The following RGL3 variants were observed in gnomAD, a reference collection of about 807,000 sequenced individuals.
The protein encoded by RGL3 is ral guanine nucleotide dissociation stimulator-like 3.
RGL3 carries 85 observed loss-of-function variants against 90.6 expected under a neutral mutation model. That is an observed-to-expected ratio of 0.94 (90% CI 0.79 to 1.12). The LOEUF (loss-of-function observed/expected upper bound fraction) is 1.12, where lower values mean the gene tolerates loss of function less well. Ranked by LOEUF, RGL3 falls within the 50% of genes most tolerant of loss-of-function variation. RGL3 has a pLI of 0.00. For synonymous variants in RGL3, 408 were observed against 385.5 expected, an observed-to-expected ratio of 1.06 and a Z score of -0.68; for missense variants, 1,034 against 939.2, an observed-to-expected ratio of 1.10 and a Z score of -1.32.
At chr19:11,419,170 G>A (rs969815906) in intron 1 of RGL3, 76 bp downstream of exon 1, 4 of 1,502,934 alleles carry the variant, frequency 2.7e-6, no homozygotes, top group Non-Finnish European at 3.6e-6. Context: ...GATACCGTCC[G>A]ACGGGCGGGC....
Position 11,415,793 on chromosome 19 carries a change from C to T in RGL3, c.637+144G>A, listed in dbSNP as rs183549876. 3.5e-4 allele frequency: 272 copies of T among 785,016 alleles called. 1 individual carries two copies. The African/African-American group carries it at 3.8e-3, about 11-fold the overall frequency. 48.6% of individuals were successfully genotyped at this position (785,016 alleles called of 1,614,324 possible). On this transcript the variant is annotated intron_variant, in intron 5 of 18. Coordinates refer to ENST00000380456, the MANE Select transcript of RGL3 (RefSeq NM_001035223.4). The stretch of plus-strand genomic sequence containing the variant: ...CCGGCTGACAAAGAATTATTATCCC[C>T]ATTGTAAAGATGAAGAAATTGAGGC...
At chr19:11,409,990 G>A (rs1968845878) in intron 5 of RGL3, among the ~76,000 whole-genome samples, 1 of 151,778 alleles carries the variant, frequency 6.6e-6, no homozygotes, top group Non-Finnish European at 1.5e-5. Context: ...CCAGGCTGGA[G>A]TGCAGTGGCT....
chr19:11,417,838 T>C (rs1285490686), intron 2 of RGL3, among the ~76,000 whole-genome samples: 1 of 152,060 alleles, frequency 6.6e-6, no homozygotes, highest in Admixed American at 6.6e-5. Flanking sequence ...TGGTTTGTTT[T>C]TTTTAGAAAC....
chr19:11,405,074 A>G, intron 9 of RGL3, 73 bp downstream of exon 9: 1 of 1,180,310 alleles, frequency 8.5e-7, no homozygotes, highest in Middle Eastern at 1.9e-4. Context: ...CAGGGAGATT[A>G]CCCCTGCCTG....
chr19:11,400,132 G>C (rs766497598), intron 14 of RGL3, 24 bp from the exon 15 acceptor site: 3 of 1,596,286 alleles, frequency 1.9e-6, no homozygotes, highest in African/African-American at 2.7e-5. Flanking sequence ...CAGGGGATGA[G>C]GCTAAGGCAG....
chr19:11,397,118 A>G (rs1411826693), intron 18 of RGL3, 126 bp downstream of exon 18: 1 of 717,646 alleles, frequency 1.4e-6, no homozygotes. Context: ...TCTTACCCCT[A>G]CTCTCTGCCT....
chr19:11,408,411 G>A (rs921284151), intron 5 of RGL3, among the ~76,000 whole-genome samples: 4 of 151,924 alleles, frequency 2.6e-5, no homozygotes, highest in African/African-American at 7.2e-5. Flanking sequence ...GTGAAACCCC[G>A]TCTCTACTAA....
In RGL3 at chr19:11,400,272, G is replaced by A. The variant is rs868811013; in HGVS notation, c.1510C>T (p.Pro504Ser). Reference protein sequence around the residue: ...QSYRLSRVIEPPAASCPSSPR... With the variant: ...QSYRLSRVIESPAASCPSSPR... ...GAGCTGGGGCAGGAGGCAGCTGGTG[G>A]CTCAATGACCCGGGAGAGCCGGTAG... The change falls in exon 14 of 19, where the codon CCA becomes TCA. Residue 504 changes from proline (P) to serine (S), a missense_variant. Physicochemically the swap from Pro to Ser is moderately conservative, Grantham distance 74. Transcript: ENST00000380456. 6.3e-7 allele frequency: 1 copy of A among 1,598,030 alleles called. No individual in the cohort carries two copies. The highest frequency in any genetic ancestry group is 8.5e-7 in the Non-Finnish European group (1 of 1,171,968).
chr19:11,394,544 T>G, intron 18 of RGL3, 24 bp from the exon 19 acceptor site: 1 of 1,560,138 alleles, frequency 6.4e-7, no homozygotes, highest in East Asian at 2.2e-5. Context: ...GAGATGGTGG[T>G]AATAGGCCCT....
chr19:11,414,195 C>G (rs1486418684), intron 5 of RGL3, among the ~76,000 whole-genome samples: 3 of 46,398 alleles, frequency 6.5e-5, no homozygotes, highest in Non-Finnish European at 1.2e-4. Context: ...ATATATATAC[C>G]TTTATATATA....
In RGL3 at chr19:11,406,418, C is replaced by G; in HGVS notation, c.996+1G>C. On this transcript the variant is annotated splice_donor_variant, in intron 7 of 18. Coordinates refer to ENST00000380456, the MANE Select transcript of RGL3 (RefSeq NM_001035223.4). LOFTEE classifies it high-confidence loss of function. ...ATCCCCTCTCCGCGCCCGCAACACA[C>G]CTGGGCGATGCGGATCCACTTCTCC... 6.5e-7 allele frequency: 1 copy of G among 1,535,112 alleles called. No homozygotes were observed. Among genetic ancestry groups the G allele is most frequent in the African/African-American group, 1.4e-5 (1 of 73,100 alleles).
Position 11,418,681 on chromosome 19 carries a change from C to A in RGL3, c.137G>T (p.Gly46Val), listed in dbSNP as rs767106152. 6.4e-7 allele frequency: 1 copy of A among 1,554,904 alleles called. No individual in the cohort carries two copies. The highest frequency in any genetic ancestry group is 8.7e-7 in the Non-Finnish European group (1 of 1,155,378). The stretch of plus-strand genomic sequence containing the variant: ...AAACCCCCTCCTCACCTGGCTGCCC[C>A]CGGGGCCCTCCGCCGGGCTCCTGCG... Reference protein sequence around the residue: ...SQRRSPAEGPGGSQAPSPIAN... With the variant: ...SQRRSPAEGPVGSQAPSPIAN... The change falls in exon 2 of 19, where the codon GGG becomes GTG. Residue 46 changes from glycine (G) to valine (V), a missense_variant. By Grantham distance (109) the Gly-to-Val change is moderately radical. Coordinates refer to ENST00000380456, the MANE Select transcript of RGL3 (RefSeq NM_001035223.4).
rs1235265112 is a variant in RGL3 at position 11,406,757 on chromosome 19, C to T, written c.745G>A (p.Asp249Asn). 1.2e-6 allele frequency: 2 copies of T among 1,614,088 alleles called. No individual in the cohort carries two copies. Among genetic ancestry groups the T allele is most frequent in the Admixed American group, 1.7e-5 (1 of 60,018 alleles). Reference sequence around the variant, plus strand: ...AGGGTCAGCTGCTCGGCCACCTCGTCCACGCTGAAGTCCAGGAGCTGGGGA... The same window carrying T: ...AGGGTCAGCTGCTCGGCCACCTCGTTCACGCTGAAGTCCAGGAGCTGGGGA... ...QGPQLLDFSV[D>N]EVAEQLTLID... The change falls in exon 6 of 19, where the codon GAC becomes AAC. Residue 249 changes from aspartate to asparagine, a missense_variant. By Grantham distance (23) the Asp-to-Asn change is conservative. Coordinates refer to ENST00000380456, the MANE Select transcript of RGL3 (RefSeq NM_001035223.4).
At chr19:11,402,167 C>T in intron 12 of RGL3, 35 bp from the exon 13 acceptor site, 2 of 1,278,850 alleles carry the variant, frequency 1.6e-6, no homozygotes, top group South Asian at 2.4e-5. Context: ...TACCCCTGCC[C>T]CACCCCCACC....
intron 18 of RGL3, 30 bp downstream of exon 18, chr19:11,397,213 CT>C: frequency 6.3e-7 from 1 of 1,595,738 alleles, no homozygotes; most frequent in Non-Finnish European, 8.6e-7. Context: ...CCGCTGCCCC[CT>C]ATCCTGAGCT....
intron 1 of RGL3, 74 bp downstream of exon 1, chr19:11,419,172 C>T: frequency 6.6e-7 from 1 of 1,511,198 alleles, no homozygotes; most frequent in Non-Finnish European, 9.0e-7. Flanking sequence ...TACCGTCCGA[C>T]GGGCGGGCGC....
At chr19:11,402,910 C>T (rs1048551469) in intron 9 of RGL3, among the ~76,000 whole-genome samples, 1 of 152,026 alleles carries the variant, frequency 6.6e-6, no homozygotes, top group Admixed American at 6.6e-5. Context: ...GAGTTCCAGA[C>T]CACCCTGGCC....
intron 1 of RGL3, 100 bp from the exon 2 acceptor site, chr19:11,418,884 C>G: frequency 1.1e-6 from 1 of 933,874 alleles, no homozygotes; most frequent in South Asian, 1.7e-5. Flanking sequence ...CTGCTGCATC[C>G]CCACGCCCCT....
intron 16 of RGL3, among the ~76,000 whole-genome samples, chr19:11,398,162 T>C (rs966705184): frequency 1.3e-5 from 2 of 152,122 alleles, no homozygotes; most frequent in Non-Finnish European, 2.9e-5. Flanking sequence ...TTACCTGTTA[T>C]AGAAACAGAC....
Sources: allele counts gnomAD v4.1 joint callset (sites outside exome capture counted in the v4.1 genomes callset), GRCh38; gene constraint gnomAD v4.1.1; transcripts MANE v1.5; gene names NCBI Gene and HGNC (gene_info 2026-07-23, HGNC 2026-07-21).